The following POGLUT3 variants were observed in gnomAD, a reference collection of about 807,000 sequenced individuals.
POGLUT3 encodes protein O-glucosyltransferase 3, also known as KDEL (Lys-Asp-Glu-Leu) containing 2.
A neutral mutation model predicts 54.3 loss-of-function variants in POGLUT3; 48 were observed. The observed-to-expected ratio is 0.88, with a 90% CI of 0.70 to 1.12. The LOEUF is 1.12. Ranked by LOEUF, POGLUT3 falls within the 50% of genes most tolerant of loss-of-function variation. The probability of loss-of-function intolerance (pLI) is 0.00; values close to 1 mark genes in which losing one functional copy is unlikely to be tolerated. For synonymous variants in POGLUT3, 218 were observed against 237.4 expected, an observed-to-expected ratio of 0.92 and a Z score of 0.75; for missense variants, 629 against 618.7, an observed-to-expected ratio of 1.02 and a Z score of -0.18.
At chr11:108,488,674 G>C (rs1469203182) in intron 2 of POGLUT3, among the ~76,000 whole-genome samples, 1 of 152,138 alleles carries the variant, frequency 6.6e-6, no homozygotes, top group Non-Finnish European at 1.5e-5. Context: ...CCCCTGTATT[G>C]ATTCTAAAAA....
In POGLUT3 at chr11:108,473,409, C is replaced by G. The variant is rs1185098241; in HGVS notation, c.*1418G>C. On this transcript the variant is annotated 3_prime_UTR_variant, in exon 8 of 8. Transcript: ENST00000323468. ...AGGATAGCTCTTGTTTTAGAACATG[C>G]ACTTTAGTGAACTGAACCTTGGACT... 6.6e-6 allele frequency: 1 copy of G among 152,186 alleles called. No individual in the cohort carries two copies. The highest frequency in any genetic ancestry group is 1.5e-5 in the Non-Finnish European group (1 of 68,048). The allele number at this position is 152,186 out of a possible 1,614,324, so 9.4% of individuals were successfully genotyped here.
At chr11:108,487,521 A>G (rs553642724) in intron 2 of POGLUT3, among the ~76,000 whole-genome samples, 27 of 152,268 alleles carry the variant, frequency 1.8e-4, no homozygotes, top group Non-Finnish European at 3.2e-4. Context: ...TGAATTGAAT[A>G]TTTGGCTCAG....
intron 7 of POGLUT3, among the ~76,000 whole-genome samples, chr11:108,475,224 G>A (rs1188897234): frequency 6.6e-6 from 1 of 152,112 alleles, no homozygotes; most frequent in Non-Finnish European, 1.5e-5. Context: ...CAAGCCAGAC[G>A]TCCCTACCTG....
chr11:108,477,788 GA>G, intron 6 of POGLUT3, 77 bp from the exon 7 acceptor site: 1 of 899,876 alleles, frequency 1.1e-6, no homozygotes, highest in Non-Finnish European at 1.9e-6. Context: ...TGTGAGGTGG[GA>G]CAGATGTGGG....
At chr11:108,498,023 A>G in intron 1 of POGLUT3, 142 bp downstream of exon 1, 1 of 614,402 alleles carries the variant, frequency 1.6e-6, no homozygotes, top group Admixed American at 4.3e-5. Context: ...GGGCGGGAGG[A>G]GGGAAGAGGA....
chr11:108,497,994 T>A (rs2093625345), intron 1 of POGLUT3, among the ~76,000 whole-genome samples, 171 bp downstream of exon 1: 1 of 152,072 alleles, frequency 6.6e-6, no homozygotes, highest in Admixed American at 6.5e-5. Flanking sequence ...TCGTGGTGAT[T>A]TTTGCCCGCT....
intron 1 of POGLUT3, among the ~76,000 whole-genome samples, chr11:108,497,709 T>C (rs2093624583): frequency 6.6e-6 from 1 of 152,290 alleles, no homozygotes; most frequent in East Asian, 1.9e-4. Context: ...TTCCTACGGC[T>C]CTGACATTTC....
chr11:108,479,243 C>A, intron 6 of POGLUT3, 58 bp downstream of exon 6: 1 of 1,164,762 alleles, frequency 8.6e-7, no homozygotes, highest in Non-Finnish European at 1.2e-6. Context: ...TGATGGAACT[C>A]ATCTAACACT....
chr11:108,479,614 G>T, intron 5 of POGLUT3, 119 bp from the exon 6 acceptor site: 2 of 593,652 alleles, frequency 3.4e-6, no homozygotes, highest in African/African-American at 1.9e-5. Flanking sequence ...CAACTTTTTT[G>T]TGTTTAAAAG....
Position 108,498,274 on chromosome 11 carries a change from C to T in POGLUT3, c.93G>A (p.Arg31=), listed in dbSNP as rs756451239. ...GAPEVLVSAP[R]SLVWGPGLQA... ...GCAGCCCGGGCCCCCACACCAGGCT[C>T]CGCGGCGCGCTGACCAGCACCTCCG... Residue 31 remains arginine, a synonymous_variant, in exon 1 of 8, where the codon CGG becomes CGA. Transcript: ENST00000323468. 1.3e-6 allele frequency: 2 copies of T among 1,492,904 alleles called. No individual in the cohort carries two copies. Among genetic ancestry groups the T allele is most frequent in the Non-Finnish European group, 8.9e-7 (1 of 1,121,176 alleles). 92.5% of individuals were successfully genotyped at this position (1,492,904 alleles called of 1,614,324 possible).
At position 108,488,314 on chromosome 11, in the gene POGLUT3, C is replaced by T. The variant is rs918465764; in HGVS notation, c.401-1874G>A. ...TGCTGGGATTACAGGCGTGAGTCAC[C>T]GCACCTGGCCTTAAACAATAGTTTT... On this transcript the variant is annotated intron_variant, in intron 2 of 7. Transcript: ENST00000323468. Among the ~76,000 whole-genome samples the T allele has an allele frequency of 2.6e-5, 4 of 152,314 alleles. 1 individual carries two copies. The highest frequency in any genetic ancestry group is 6.5e-5 in the Admixed American group (1 of 15,302).
chr11:108,492,466 T>G (rs1388829032), intron 1 of POGLUT3, among the ~76,000 whole-genome samples: 1 of 152,232 alleles, frequency 6.6e-6, no homozygotes, highest in Non-Finnish European at 1.5e-5. Flanking sequence ...AAAGTTGTTT[T>G]TCACTTCGCA....
At chr11:108,483,450 T>C in intron 3 of POGLUT3, among the ~76,000 whole-genome samples, 1 of 152,176 alleles carries the variant, frequency 6.6e-6, no homozygotes, top group East Asian at 1.9e-4. Context: ...CTTAATTCTC[T>C]TGAGGCCTAT....
At chr11:108,479,552 G>C (rs981664567) in intron 5 of POGLUT3, 57 bp from the exon 6 acceptor site, 36 of 1,333,404 alleles carry the variant, frequency 2.7e-5, no homozygotes, top group Admixed American at 7.1e-5. Context: ...CTTCACTTCT[G>C]CTCCTCATCA....
intron 2 of POGLUT3, among the ~76,000 whole-genome samples, chr11:108,489,235 T>G (rs1468528409): frequency 6.6e-6 from 1 of 152,194 alleles, no homozygotes; most frequent in Non-Finnish European, 1.5e-5. Context: ...AACCACAGGA[T>G]AGTTTCAAGC....
At chr11:108,478,171 A>AATAT (rs2093585731) in intron 6 of POGLUT3, 1 of 152,350 alleles carries the variant, frequency 6.6e-6, no homozygotes, top group East Asian at 1.9e-4. Context: ...TAAATAAATA[A>AATAT]ATAAACTAAT....
Position 108,474,596 on chromosome 11 carries a change from G to A in POGLUT3, c.*231C>T. ...TCTCATCCCCAAGATACCTCATTAT[G>A]TACATGCAAATATTCCCAAATCTTA... On this transcript the variant is annotated 3_prime_UTR_variant, in exon 8 of 8. Coordinates refer to ENST00000323468, the MANE Select transcript of POGLUT3 (RefSeq NM_153705.5). 2 of 337,540 alleles carry A rather than the reference G, an allele frequency of 5.9e-6. No individual in the cohort carries two copies. Among genetic ancestry groups the A allele is most frequent in the Non-Finnish European group, 1.1e-5 (2 of 185,976 alleles). 20.9% of individuals were successfully genotyped at this position (337,540 alleles called of 1,614,324 possible). A position where few individuals can be genotyped will look rare whatever the true frequency, so the allele number is the denominator to read the frequency against.
intron 2 of POGLUT3, among the ~76,000 whole-genome samples, chr11:108,487,802 G>A (rs576573742): frequency 2.0e-4 from 30 of 152,006 alleles, no homozygotes; most frequent in African/African-American, 7.2e-4. Context: ...AGTAGAGACG[G>A]GGTTTCACCA....
intron 7 of POGLUT3, among the ~76,000 whole-genome samples, chr11:108,475,463 G>GTTTTTTTTTTTTTTTTTTTTTTTTTTTTT (rs367899085): frequency 9.1e-6 from 1 of 109,926 alleles, no homozygotes. Flanking sequence ...AGTTTTTTTT[G>GTTTTTTTTTTTTTTTTTTTTTTTTTTTTT]TTTTTGTTTT....
Sources: allele counts gnomAD v4.1 joint callset (sites outside exome capture counted in the v4.1 genomes callset), GRCh38; gene constraint gnomAD v4.1.1; transcripts MANE v1.5; gene names NCBI Gene and HGNC (gene_info 2026-07-23, HGNC 2026-07-21).